DNAH10: variants seen among roughly 807,000 people sequenced by gnomAD.
The protein encoded by DNAH10 is dynein axonemal heavy chain 10.
Under a neutral mutation model 506.6 loss-of-function variants are expected in DNAH10, and 348 were observed. The ratio of observed to expected loss-of-function variants is 0.69; its 90% confidence interval spans 0.63 to 0.75. DNAH10 has a LOEUF of 0.75. DNAH10 is among the 30% of genes least tolerant of loss of function. The probability of loss-of-function intolerance (pLI) is 0.00; values close to 1 mark genes in which losing one functional copy is unlikely to be tolerated. For missense variants in DNAH10, 5,179 were observed against 5,787.1 expected (o/e 0.89, Z 3.41); for synonymous variants, 2,059 against 2,198.6 (o/e 0.94, Z 1.78).
At chr12:123,861,609 T>C (rs1951615873) in intron 39 of DNAH10, among the ~76,000 whole-genome samples, 1 of 152,240 alleles carries the variant, frequency 6.6e-6, no homozygotes, top group Non-Finnish European at 1.5e-5. Flanking sequence ...CGGCTTTCCA[T>C]CTGTAGACGT....
chr12:123,770,268 A>AT lies in DNAH10; in HGVS notation c.299-1325dup, dbSNP rs200635704. Among the ~76,000 whole-genome samples, 219 of 151,228 alleles carry AT rather than the reference A, an allele frequency of 1.4e-3. No individual in the cohort carries two copies. The East Asian group carries it at 0.026, about 18-fold the overall frequency. ...TCTCAAAAAAAAATTTTTTTTTAAA[A>AT]TTTTTTTTGTAGAGATGAGGTTTCA... On this transcript the variant is annotated intron_variant, in intron 2 of 78. Transcript: ENST00000673944.
chr12:123,772,978 A>C, intron 4 of DNAH10, 36 bp downstream of exon 4: 1 of 1,466,772 alleles, frequency 6.8e-7, no homozygotes. Flanking sequence ...ATGTGTGTTG[A>C]GGGGGTGTGG....
At chr12:123,824,438 G>A (rs1268208696) in intron 24 of DNAH10, among the ~76,000 whole-genome samples, 2 of 152,192 alleles carry the variant, frequency 1.3e-5, no homozygotes, top group African/African-American at 2.4e-5. Flanking sequence ...AATTGGGAGT[G>A]TCCAGGTGCG....
At chr12:123,900,740 T>A (rs182064616) in intron 56 of DNAH10, among the ~76,000 whole-genome samples, 29 of 152,300 alleles carry the variant, frequency 1.9e-4, no homozygotes, top group Non-Finnish European at 3.5e-4. Flanking sequence ...AGGATTCAAA[T>A]GTATCAGTGG....
At position 123,776,034 on chromosome 12, in the gene DNAH10, C is replaced by A. The variant is rs190056987; in HGVS notation, c.621+1770C>A. Among the ~76,000 whole-genome samples the A allele has an allele frequency of 1.5e-4, 23 of 152,280 alleles. No homozygotes were observed. The East Asian group carries it at 4.2e-3, about 28-fold the overall frequency. On this transcript the variant is annotated intron_variant, in intron 5 of 78. Coordinates refer to ENST00000673944, the MANE Select transcript of DNAH10 (RefSeq NM_001372106.1). ...ATAAAACCATCAGATCTCATGAGAACTCACTCACTATCATGAGAACAGTGG... is the reference window on the plus strand; with the variant it reads ...ATAAAACCATCAGATCTCATGAGAAATCACTCACTATCATGAGAACAGTGG...
chr12:123,871,807 A>G (rs1251392238), intron 45 of DNAH10, among the ~76,000 whole-genome samples: 1 of 152,312 alleles, frequency 6.6e-6, no homozygotes, highest in Non-Finnish European at 1.5e-5. Flanking sequence ...AGGCCTGGGT[A>G]GAGCTGGAGG....
intron 12 of DNAH10, among the ~76,000 whole-genome samples, chr12:123,795,857 A>G (rs1958256147): frequency 6.6e-6 from 1 of 152,160 alleles, no homozygotes; most frequent in African/African-American, 2.4e-5. Context: ...AAAAGTAACT[A>G]AAAGAGTATA....
At chr12:123,796,916 G>T (rs1362371993) in intron 13 of DNAH10, 84 bp downstream of exon 13, 1 of 1,328,756 alleles carries the variant, frequency 7.5e-7, no homozygotes, top group East Asian at 2.5e-5. Context: ...TGTCGCCCAG[G>T]CTGGAGTGCA....
rs116807198 is a variant in DNAH10, at chr12:123,916,935, C to G, written c.11002+199C>G. Among the ~76,000 whole-genome samples, 3,132 of 152,314 alleles carry G rather than the reference C, an allele frequency of 0.021. 111 individuals carry two copies. Among genetic ancestry groups the G allele is most frequent in the African/African-American group, 0.071 (2,961 of 41,552 alleles). ...GCCATGAGTCACCTGTCATGAGTCA[C>G]GCTGAGACGGGGCCGTGGGCTTATG... On this transcript the variant is annotated intron_variant, in intron 63 of 78. Coordinates refer to ENST00000673944, the MANE Select transcript of DNAH10 (RefSeq NM_001372106.1). The surrounding 1 kb of genome is among the most constrained non-coding windows in gnomAD (Gnocchi z 4.6).
At chr12:123,934,065 G>A (rs537282261) in intron 77 of DNAH10, 317 of 560,700 alleles carry the variant, frequency 5.7e-4, no homozygotes, top group Non-Finnish European at 8.5e-4. Flanking sequence ...GGGGACTTAC[G>A]GTAAAGATGC....
chr12:123,813,565 C>T lies in DNAH10; in HGVS notation c.3546C>T (p.Ser1182=). The T allele has an allele frequency of 1.2e-6, 2 of 1,614,188 alleles. No individual in the cohort carries two copies. The highest frequency in any genetic ancestry group is 1.7e-6 in the Non-Finnish European group (2 of 1,180,026). ...ACACAGTGCAGGAAAATGCCAAGTC[C>T]TGGGTGATTTCGCTTGGAAAACTTC... The part of the protein sequence containing the change: ...LANTVQENAK[S]WVISLGKLLN... Residue 1182 remains serine, a synonymous_variant, in exon 20 of 79, where the codon TCC becomes TCT. Coordinates refer to ENST00000673944, the MANE Select transcript of DNAH10 (RefSeq NM_001372106.1).
intron 2 of DNAH10, among the ~76,000 whole-genome samples, chr12:123,770,487 A>ATTT (rs56670119): frequency 7.5e-6 from 1 of 133,174 alleles, no homozygotes; most frequent in Non-Finnish European, 1.6e-5. Context: ...CGTAAGTGTG[A>ATTT]TTTTTTTTTT....
Position 123,799,376 on chromosome 12 carries a change from G to A in DNAH10, c.2289+5G>A, listed in dbSNP as rs763377483. 51 of 1,610,424 alleles carry A rather than the reference G, an allele frequency of 3.2e-5. No homozygotes were observed. Among genetic ancestry groups the A allele is most frequent in the Non-Finnish European group, 4.2e-5 (49 of 1,177,556 alleles). ...AAGAAGAGCCTTTTGACCAAGGTGC[G>A]CTGCCCACGCCCTCATTCCCGATTG... On this transcript the variant is annotated splice_donor_5th_base_variant and intron_variant, in intron 14 of 78. Transcript: ENST00000673944.
chr12:123,926,748 G>A lies in DNAH10; in HGVS notation c.12033G>A (p.Met4011Ile). The A allele has an allele frequency of 6.2e-7, 1 of 1,614,000 alleles. No individual in the cohort carries two copies. Among genetic ancestry groups the A allele is most frequent in the Middle Eastern group, 1.6e-4 (1 of 6,062 alleles). The change falls in exon 69 of 79, where the codon ATG (methionine) becomes ATA (isoleucine). Residue 4011 changes from methionine (M) to isoleucine (I), a missense_variant. Met to Ile is a conservative substitution (Grantham distance 10). Around this residue, in one of 3 missense-constraint regions of DNAH10, gnomAD observed 4,844 missense variants for 5,430.5 expected, o/e 0.89. Transcript: ENST00000673944. The surrounding 1 kb of genome is among the most constrained non-coding windows in gnomAD (Gnocchi z 4.1). ...GCTCCGACCCTGCCACTGATCTTAT[G>A]AAATTAGCAGAGCGAAGTGGTTTTG... Reference protein sequence around the residue: ...SPGSDPATDLMKLAERSGFGG... With the variant: ...SPGSDPATDLIKLAERSGFGG...
chr12:123,858,665 A>C (rs78669690), intron 37 of DNAH10, among the ~76,000 whole-genome samples: 3,999 of 152,296 alleles, frequency 0.026, 112 homozygotes, highest in African/African-American at 0.068. Flanking sequence ...ATAGCCAAAA[A>C]GTGGGAACAA....
At chr12:123,824,206 G>A (rs1045265285) in intron 24 of DNAH10, among the ~76,000 whole-genome samples, 2 of 152,150 alleles carry the variant, frequency 1.3e-5, no homozygotes, top group Admixed American at 1.3e-4. Context: ...GATGTGGGAT[G>A]TAAGAGCAAG....
intron 24 of DNAH10, among the ~76,000 whole-genome samples, chr12:123,825,274 G>A (rs1248096686): frequency 9.2e-5 from 14 of 152,156 alleles, no homozygotes; most frequent in Admixed American, 2.6e-4. Flanking sequence ...TAAATGGAGC[G>A]AGTCCAAGGT....
Position 123,923,660 on chromosome 12 carries a change from G to A in DNAH10, c.11507-103G>A, listed in dbSNP as rs1158546291. The A allele has an allele frequency of 2.3e-5, 16 of 704,184 alleles. No homozygotes were observed. In the Admixed American group the frequency reaches 3.4e-4, roughly 15 times the overall value. 43.6% of individuals were successfully genotyped at this position (704,184 alleles called of 1,614,324 possible). On this transcript the variant is annotated intron_variant, in intron 65 of 78. Transcript: ENST00000673944. ...AGGGGTAAATGCAGCCATACAGTTC[G>A]AGTGTTTCATTTATCTTACGTTTAA...
intron 5 of DNAH10, among the ~76,000 whole-genome samples, chr12:123,776,616 A>G (rs1957449340): frequency 1.3e-5 from 2 of 151,242 alleles, no homozygotes; most frequent in South Asian, 2.1e-4. Context: ...AGCCTGGGTG[A>G]CAGAGAGATA....
Sources: allele counts gnomAD v4.1 joint callset (sites outside exome capture counted in the v4.1 genomes callset), GRCh38; gene constraint gnomAD v4.1.1; regional missense constraint gnomAD v4.1.1; non-coding constraint Gnocchi (gnomAD v3.1); transcripts MANE v1.5; gene names NCBI Gene and HGNC (gene_info 2026-07-23, HGNC 2026-07-21).